The following RHOBTB2 variants were observed in gnomAD, a reference collection of about 807,000 sequenced individuals.
The protein encoded by RHOBTB2 is rho-related BTB domain-containing protein 2.
Under a neutral mutation model 66.5 loss-of-function variants are expected in RHOBTB2, and 39 were observed. The ratio of observed to expected loss-of-function variants is 0.59; its 90% CI spans 0.45 to 0.77. The LOEUF (loss-of-function observed/expected upper bound fraction) is 0.77, where lower values mean the gene tolerates loss of function less well. RHOBTB2 is among the 30% of genes least tolerant of loss of function. The pLI is 0.00. For synonymous variants in RHOBTB2, 390 were observed against 395.0 expected, an observed-to-expected ratio of 0.99 and a Z score of 0.15; for missense variants, 755 against 999.1, an observed-to-expected ratio of 0.76 and a Z score of 3.29.
At chr8:22,962,745 CTGA>C in the RHOBTB2 span, among the ~76,000 whole-genome samples, 3 of 152,184 alleles carry the variant, frequency 2.0e-5, no homozygotes, top group Non-Finnish European at 4.4e-5. Context: ...GCTCAGCAAC[CTGA>C]CTGTCTCCTG....
At chr8:22,995,104 A>AT (rs906879133), upstream of RHOBTB2, among the ~76,000 whole-genome samples, 16 of 151,936 alleles carry the variant, frequency 1.1e-4, no homozygotes, top group Admixed American at 7.9e-4. Flanking sequence ...TTTTTTAAAA[A>AT]TTTTTTTTAA....
At chr8:22,983,249 G>A (rs750409385), upstream of RHOBTB2, among the ~76,000 whole-genome samples, 1 of 151,898 alleles carries the variant, frequency 6.6e-6, no homozygotes, top group Non-Finnish European at 1.5e-5. Context: ...TGTGTAAAGG[G>A]GGAATATGGA....
At position 23,006,751 on chromosome 8, in the gene RHOBTB2, T is replaced by G. The variant is rs1218607864; in HGVS notation, c.506T>G (p.Leu169Arg). Residue 169 changes from leucine to arginine, a missense_variant, in exon 5 of 10, where the codon CTG becomes CGG. Leu to Arg is a moderately radical substitution (Grantham distance 102). Coordinates refer to ENST00000251822, the MANE Select transcript of RHOBTB2 (RefSeq NM_015178.3). This position sits in a 1 kb window ranked among gnomAD's most constrained non-coding sequence, Gnocchi z 6.1. ...LARPIKPNEILPPEKGREVAK... is the reference protein window; with the variant it reads ...LARPIKPNEIRPPEKGREVAK... ...AGGCCCATCAAACCTAATGAAATCC[T>G]GCCCCCAGAGAAGGGTCGGGAGGTG... 1.2e-6 allele frequency: 2 copies of G among 1,612,730 alleles called. No individual in the cohort carries two copies. The highest frequency in any genetic ancestry group is 1.7e-6 in the Non-Finnish European group (2 of 1,179,130).
At chr8:22,967,759 C>T in the RHOBTB2 span, among the ~76,000 whole-genome samples, 13 of 151,862 alleles carry the variant, frequency 8.6e-5, no homozygotes, top group African/African-American at 1.2e-4. Flanking sequence ...AGTATAGAGT[C>T]GTAGTTTCAC....
Position 23,006,616 on chromosome 8 carries a change from G to T in RHOBTB2, c.483-112G>T. On this transcript the variant is annotated intron_variant, in intron 4 of 9. Coordinates refer to ENST00000251822, the MANE Select transcript of RHOBTB2 (RefSeq NM_015178.3). This position sits in a 1 kb window ranked among gnomAD's most constrained non-coding sequence, Gnocchi z 6.1. ...TTTGGCCAGACAGAGCAGGGCAGGA[G>T]TGGGTGGGGATTGGCACCCAGATCC... The T allele has an allele frequency of 5.9e-6, 6 of 1,018,510 alleles. No homozygotes were observed. The highest frequency in any genetic ancestry group is 8.9e-6 in the Non-Finnish European group (6 of 676,184). The allele number at this position is 1,018,510 out of a possible 1,614,324, so 63.1% of individuals were successfully genotyped here. A position where few individuals can be genotyped will look rare whatever the true frequency, so the allele number is the denominator to read the frequency against.
At chr8:22,977,945 C>T in the RHOBTB2 span, 41 of 151,976 alleles carry the variant, frequency 2.7e-4, no homozygotes, top group African/African-American at 8.7e-4. Flanking sequence ...ATTGCTTGAG[C>T]CCAAGAGTCC....
chr8:22,962,880 CA>C, the RHOBTB2 span, among the ~76,000 whole-genome samples: 2 of 152,300 alleles, frequency 1.3e-5, no homozygotes, highest in South Asian at 2.1e-4. Context: ...GTGGTAAAAG[CA>C]AAATACTTGA....
chr8:22,953,089 G>A, the RHOBTB2 span, among the ~76,000 whole-genome samples: 1 of 152,162 alleles, frequency 6.6e-6, no homozygotes, highest in Admixed American at 6.5e-5. Context: ...CTGTCCACCT[G>A]CGCAGTGGCC....
At chr8:22,966,021 C>G in the RHOBTB2 span, among the ~76,000 whole-genome samples, 1 of 152,012 alleles carries the variant, frequency 6.6e-6, no homozygotes, top group Admixed American at 6.6e-5. Flanking sequence ...AAATCACATC[C>G]CTAATAATGG....
At chr8:23,008,390 G>A (rs961918849) in intron 6 of RHOBTB2, among the ~76,000 whole-genome samples, 7 of 152,146 alleles carry the variant, frequency 4.6e-5, no homozygotes, top group Non-Finnish European at 5.9e-5. Flanking sequence ...CACTCCTGCC[G>A]TATATCTAGG....
chr8:23,006,031 A>T lies in RHOBTB2; in HGVS notation c.368A>T (p.Tyr123Phe). 6.2e-7 allele frequency: 1 copy of T among 1,613,516 alleles called. No homozygotes were observed. The highest frequency in any genetic ancestry group is 8.5e-7 in the Non-Finnish European group (1 of 1,179,854). ...NSLHHVKTMW[Y>F]PEIKHFCPRA... ...CTCCACCATGTCAAGACCATGTGGT[A>T]CCCAGAAATCAAGCACTTCTGCCCC... The change falls in exon 4 of 10, where the codon TAC (tyrosine) becomes TTC (phenylalanine). Residue 123 changes from tyrosine (Y) to phenylalanine (F), a missense_variant. Physicochemically the swap from Tyr to Phe is conservative, Grantham distance 22. Coordinates refer to ENST00000251822, the MANE Select transcript of RHOBTB2 (RefSeq NM_015178.3). This position sits in a 1 kb window ranked among gnomAD's most constrained non-coding sequence, Gnocchi z 6.1.
chr8:23,008,992 A>T (rs1811055231), intron 6 of RHOBTB2, among the ~76,000 whole-genome samples: 1 of 152,042 alleles, frequency 6.6e-6, no homozygotes, highest in South Asian at 2.1e-4. Context: ...GGCAGTCCCT[A>T]TAGGGCCAGC....
intron 7 of RHOBTB2, 105 bp from the exon 8 acceptor site, chr8:23,014,585 G>A (rs1428576243): frequency 9.8e-6 from 10 of 1,025,140 alleles, no homozygotes; most frequent in South Asian, 4.3e-5. Context: ...GGACCTGCCC[G>A]GGCCCTGGTT....
At chr8:22,973,299 G>C in the RHOBTB2 span, among the ~76,000 whole-genome samples, 1 of 152,006 alleles carries the variant, frequency 6.6e-6, no homozygotes, top group Non-Finnish European at 1.5e-5. Flanking sequence ...CCCGATCATC[G>C]CTCATTGCAC....
At chr8:22,991,822 C>T (rs947077326) in intron 1 of RHOBTB2, among the ~76,000 whole-genome samples, 13 of 152,196 alleles carry the variant, frequency 8.5e-5, no homozygotes, top group African/African-American at 3.1e-4. Context: ...TGGCAATCCT[C>T]CAACCTGGGT....
chr8:22,999,891 G>C lies in RHOBTB2; in HGVS notation c.-225G>C, dbSNP rs1585185940. ...CGGCTGCAGTGCAGCGCGCGCGTCC[G>C]CTCCTGGGCCCACGTCCGGCCTGGG... On this transcript the variant is annotated 5_prime_UTR_variant, in exon 1 of 10. Coordinates refer to ENST00000251822, the MANE Select transcript of RHOBTB2 (RefSeq NM_015178.3). The C allele has an allele frequency of 1.0e-6, 1 of 985,188 alleles. No homozygotes were observed. Among genetic ancestry groups the C allele is most frequent in the Non-Finnish European group, 1.2e-6 (1 of 829,872 alleles). The allele number at this position is 985,188 out of a possible 1,614,324, so 61.0% of individuals were successfully genotyped here. A position where few individuals can be genotyped will look rare whatever the true frequency, so the allele number is the denominator to read the frequency against.
upstream of RHOBTB2, among the ~76,000 whole-genome samples, chr8:22,983,347 A>C (rs191880909): frequency 2.8e-4 from 42 of 151,992 alleles, no homozygotes; most frequent in East Asian, 6.6e-3. Flanking sequence ...AAAAAAAAAA[A>C]AAACAAAAAA....
At chr8:22,950,877 C>T in the RHOBTB2 span, among the ~76,000 whole-genome samples, 1 of 152,144 alleles carries the variant, frequency 6.6e-6, no homozygotes, top group Admixed American at 6.5e-5. Context: ...AACACGGAGC[C>T]GCCATTTGGA....
At chr8:22,975,917 G>T in the RHOBTB2 span, among the ~76,000 whole-genome samples, 1 of 152,116 alleles carries the variant, frequency 6.6e-6, no homozygotes, top group African/African-American at 2.4e-5. Flanking sequence ...GGAGGCCAAT[G>T]CGGGCGGATC....
Sources: allele counts gnomAD v4.1 joint callset (sites outside exome capture counted in the v4.1 genomes callset), GRCh38; gene constraint gnomAD v4.1.1; non-coding constraint Gnocchi (gnomAD v3.1); transcripts MANE v1.5; gene names NCBI Gene and HGNC (gene_info 2026-07-23, HGNC 2026-07-21).